Variants in L3MBTL3 observed in about 807,000 individuals in gnomAD.
L3MBTL3 encodes L3MBTL histone methyl-lysine binding protein 3.
L3MBTL3 carries 27 observed loss-of-function variants against 102.3 expected under a neutral mutation model. The observed-to-expected ratio is 0.26, with a 90% CI of 0.19 to 0.36. L3MBTL3 has a LOEUF of 0.36. L3MBTL3 is among the 10% of genes least tolerant of loss of function. L3MBTL3 has a pLI of 1.00. For synonymous variants in L3MBTL3, 340 were observed against 320.9 expected, an observed-to-expected ratio of 1.06 and a Z score of -0.64; for missense variants, 798 against 955.3, an observed-to-expected ratio of 0.84 and a Z score of 2.17.
intron 19 of L3MBTL3, among the ~76,000 whole-genome samples, chr6:130,105,424 T>C (rs1784926333): frequency 6.6e-6 from 1 of 152,082 alleles, no homozygotes; most frequent in Non-Finnish European, 1.5e-5. Context: ...TCTTCTGGTA[T>C]TAACAACAGT....
intron 10 of L3MBTL3, 67 bp from the exon 11 acceptor site, chr6:130,066,286 G>GTGTATATATATATATATATATATATATA (rs1554227522): frequency 2.0e-5 from 7 of 345,372 alleles, no homozygotes; most frequent in African/African-American, 1.3e-4. Flanking sequence ...TTATTTTTGT[G>GTGTATATATATATATATATATATATATA]TATATATATA....
At chr6:130,112,838 C>T (rs953147458) in intron 19 of L3MBTL3, among the ~76,000 whole-genome samples, 2 of 152,120 alleles carry the variant, frequency 1.3e-5, no homozygotes, top group Admixed American at 6.5e-5. Flanking sequence ...AGTACGTGGT[C>T]CTTATAGACA....
At chr6:130,139,244 C>T (rs1157053627) in intron 22 of L3MBTL3, among the ~76,000 whole-genome samples, 4 of 151,838 alleles carry the variant, frequency 2.6e-5, no homozygotes, top group African/African-American at 9.7e-5. Flanking sequence ...CATTCATGTA[C>T]CTGTTATCTC....
Position 130,066,436 on chromosome 6 carries a change from C to T in L3MBTL3, c.948C>T (p.Ile316=). 6.2e-7 allele frequency: 1 copy of T among 1,611,722 alleles called. No individual in the cohort carries two copies. Among genetic ancestry groups the T allele is most frequent in the Non-Finnish European group, 8.5e-7 (1 of 1,178,742 alleles). ...GGGTGAATGCAGACGCTCTGGATAT[C>T]CACCCAGTTGGGTGGTGTGAGAAAA... ...DFWVNADALD[I]HPVGWCEKTG... Residue 316 remains isoleucine (I), a synonymous_variant, in exon 11 of 23, where the codon ATC becomes ATT. Transcript: ENST00000361794.
chr6:130,106,933 T>C (rs1785019600), intron 19 of L3MBTL3, among the ~76,000 whole-genome samples: 1 of 152,198 alleles, frequency 6.6e-6, no homozygotes, highest in African/African-American at 2.4e-5. Context: ...ATCTTATGTT[T>C]TGAATTGTGT....
intron 11 of L3MBTL3, 104 bp downstream of exon 11, chr6:130,066,592 G>A: frequency 3.0e-6 from 3 of 1,000,632 alleles, no homozygotes; most frequent in South Asian, 1.6e-5. Flanking sequence ...AATTCAGATA[G>A]GCACAAATTT....
intron 3 of L3MBTL3, among the ~76,000 whole-genome samples, chr6:130,043,927 G>A (rs1780580275): frequency 6.6e-6 from 1 of 152,200 alleles, no homozygotes; most frequent in Non-Finnish European, 1.5e-5. Context: ...AGAATCTGGA[G>A]AGGAGATTGG....
Position 130,042,731 on chromosome 6 carries a change from A to G in L3MBTL3, c.32A>G (p.Gln11Arg). Residue 11 changes from glutamine (Q) to arginine (R), a missense_variant, in exon 3 of 23, where the codon CAA becomes CGA. Physicochemically the swap from Gln to Arg is conservative, Grantham distance 43. Around this residue, in one of 4 missense-constraint regions of L3MBTL3, gnomAD observed 434 missense variants for 506.6 expected, o/e 0.86. Transcript: ENST00000361794. ...GAATCTGCCTCTAGCACAAGTGGTC[A>G]AGAGTTTGATGTGTTCAGTGTTATG... is the stretch of plus-strand genomic sequence containing the variant. MTESASSTSG[Q>R]EFDVFSVMDW... The G allele has an allele frequency of 6.2e-7, 1 of 1,613,524 alleles. No individual in the cohort carries two copies. The highest frequency in any genetic ancestry group is 8.5e-7 in the Non-Finnish European group (1 of 1,179,528).
chr6:130,125,059 G>C (rs1786503107), intron 20 of L3MBTL3, among the ~76,000 whole-genome samples: 1 of 152,168 alleles, frequency 6.6e-6, no homozygotes, highest in Non-Finnish European at 1.5e-5. Flanking sequence ...TAGTACTGGA[G>C]CGGGGTCCTG....
chr6:130,067,652 G>A (rs1024675444), intron 11 of L3MBTL3, among the ~76,000 whole-genome samples: 1 of 152,158 alleles, frequency 6.6e-6, no homozygotes, highest in Non-Finnish European at 1.5e-5. Context: ...GCCTTTTCAC[G>A]AATTGATCTC....
intron 2 of L3MBTL3, among the ~76,000 whole-genome samples, chr6:130,030,187 C>G (rs1779620796): frequency 6.7e-6 from 1 of 150,154 alleles, no homozygotes; most frequent in East Asian, 2.0e-4. Flanking sequence ...ATAACTGTAA[C>G]TTTTACATAC....
At chr6:130,117,220 G>A (rs1005399270) in intron 19 of L3MBTL3, among the ~76,000 whole-genome samples, 6 of 141,268 alleles carry the variant, frequency 4.2e-5, no homozygotes, top group Non-Finnish European at 9.1e-5. Flanking sequence ...AGAATATGCC[G>A]TGTTTGGTTT....
chr6:130,082,939 T>C (rs1043148805), intron 14 of L3MBTL3, among the ~76,000 whole-genome samples: 2 of 152,210 alleles, frequency 1.3e-5, no homozygotes, highest in Non-Finnish European at 2.9e-5. Flanking sequence ...TTATCTCTGA[T>C]ATATTTGCTG....
intron 1 of L3MBTL3, among the ~76,000 whole-genome samples, chr6:130,021,259 A>G (rs1778996281): frequency 1.3e-5 from 2 of 152,216 alleles, no homozygotes; most frequent in Non-Finnish European, 2.9e-5. Context: ...CGGAAGGCCG[A>G]GAGCAAAGTT....
Position 130,055,228 on chromosome 6 carries a change from C to T in L3MBTL3, c.640C>T (p.Arg214Ter), listed in dbSNP as rs1562270316. 6.2e-7 allele frequency: 1 copy of T among 1,613,376 alleles called. No homozygotes were observed. Among genetic ancestry groups the T allele is most frequent in the Non-Finnish European group, 8.5e-7 (1 of 1,179,630 alleles). ...TTCGCAGAGAGCACGGAGGAAAAGA[C>T]GAGGGGATTCGGCTGTACTAAAGCA... ...RGSQRARRKRRGDSAVLKQGL... is the reference protein window; with the variant it reads ...RGSQRARRKR Residue 214 changes from arginine to a stop codon, truncating the protein, a stop_gained, in exon 8 of 23, where the codon CGA (arginine) becomes TGA (stop). Transcript: ENST00000361794. LOFTEE classifies it high-confidence loss of function.
intron 9 of L3MBTL3, among the ~76,000 whole-genome samples, chr6:130,058,511 T>G (rs1184544197): frequency 1.3e-5 from 2 of 150,202 alleles, no homozygotes; most frequent in Non-Finnish European, 1.5e-5. Context: ...CGGAGTGTGG[T>G]GTTCAAAGTT....
Position 130,066,463 on chromosome 6 carries a change from C to T in L3MBTL3, c.975C>T (p.Thr325=), listed in dbSNP as rs758934585. The change falls in exon 11 of 23, where the codon ACC becomes ACT. Residue 325 remains threonine (T), a synonymous_variant. Coordinates refer to ENST00000361794, the MANE Select transcript of L3MBTL3 (RefSeq NM_032438.4). Reference sequence around the variant, plus strand: ...ACCCAGTTGGGTGGTGTGAGAAAACCGGCCACAAACTCCATCCTCCAAAAG... The same window carrying T: ...ACCCAGTTGGGTGGTGTGAGAAAACTGGCCACAAACTCCATCCTCCAAAAG... ...DIHPVGWCEK[T]GHKLHPPKGY... The T allele has an allele frequency of 2.4e-5, 39 of 1,609,806 alleles. No individual in the cohort carries two copies. Among genetic ancestry groups the T allele is most frequent in the African/African-American group, 2.7e-5 (2 of 74,698 alleles).
At chr6:130,020,845 C>T (rs1324685980) in intron 1 of L3MBTL3, among the ~76,000 whole-genome samples, 1 of 151,438 alleles carries the variant, frequency 6.6e-6, no homozygotes, top group Non-Finnish European at 1.5e-5. Context: ...ACCCCCAACG[C>T]CTCGCATCCC....
chr6:130,033,122 G>T (rs1215279675), intron 2 of L3MBTL3, among the ~76,000 whole-genome samples: 1 of 152,204 alleles, frequency 6.6e-6, no homozygotes, highest in Non-Finnish European at 1.5e-5. Context: ...GATGGAAAGA[G>T]GAACTGTAAG....
Sources: gnomAD v4.1 joint callset for allele counts (sites outside exome capture counted in the v4.1 genomes callset) on GRCh38, gnomAD v4.1.1 for gene constraint, gnomAD v4.1.1 regional missense constraint, MANE v1.5 for transcripts, NCBI Gene and HGNC (gene_info 2026-07-23, HGNC 2026-07-21) for gene names.